Variants in WDPCP observed in about 807,000 individuals in gnomAD.
The protein encoded by WDPCP is WD repeat containing planar cell polarity effector.
Under a neutral mutation model 93.1 loss-of-function variants are expected in WDPCP, and 71 were observed. The ratio of observed to expected loss-of-function variants is 0.76; its 90% CI spans 0.63 to 0.93. WDPCP has a LOEUF of 0.93. Ranked by LOEUF, WDPCP falls within the 40% of genes least tolerant of loss-of-function variation. The probability of loss-of-function intolerance (pLI) is 0.00; values close to 1 mark genes in which losing one functional copy is unlikely to be tolerated. For missense variants in WDPCP, 844 were observed against 887.4 expected (o/e 0.95, Z 0.62); for synonymous variants, 315 against 315.0 (o/e 1.00, Z 0.00).
At chr2:63,230,767 T>C (rs138298983) in intron 14 of WDPCP, among the ~76,000 whole-genome samples, 24,791 of 152,182 alleles carry the variant, frequency 0.16, 2,354 homozygotes, top group Middle Eastern at 0.23. Context: ...ATCCTTTGCC[T>C]ACTTTTTGAT....
At chr2:63,362,096 T>C (rs1323745722) in intron 12 of WDPCP, among the ~76,000 whole-genome samples, 1 of 152,130 alleles carries the variant, frequency 6.6e-6, no homozygotes, top group East Asian at 1.9e-4. Context: ...TTCTAGCTAT[T>C]AATTATTTTG....
At chr2:63,163,869 T>C (rs1183879674) in intron 15 of WDPCP, among the ~76,000 whole-genome samples, 1 of 152,226 alleles carries the variant, frequency 6.6e-6, no homozygotes, top group Admixed American at 6.5e-5. Flanking sequence ...TCAGTATTTT[T>C]GGTTTGTTCC....
At chr2:63,160,674 G>A (rs1240321250) in intron 15 of WDPCP, among the ~76,000 whole-genome samples, 1 of 152,134 alleles carries the variant, frequency 6.6e-6, no homozygotes, top group Non-Finnish European at 1.5e-5. Context: ...CTTTTATTAT[G>A]TATAGAAGTA....
At chr2:63,665,144 G>A (rs1710268065) in intron 2 of WDPCP, among the ~76,000 whole-genome samples, 1 of 152,188 alleles carries the variant, frequency 6.6e-6, no homozygotes, top group Non-Finnish European at 1.5e-5. Context: ...AGTTCAGTAG[G>A]GCTGCTGTAA....
intron 17 of WDPCP, among the ~76,000 whole-genome samples, chr2:63,141,171 T>C (rs977361440): frequency 6.6e-6 from 1 of 151,990 alleles, no homozygotes; most frequent in Non-Finnish European, 1.5e-5. Context: ...CTCCGCCTCC[T>C]GGGTTCAAGC....
chr2:63,522,031 A>AT (rs929181546), intron 1 of WDPCP, among the ~76,000 whole-genome samples: 7 of 151,796 alleles, frequency 4.6e-5, no homozygotes, highest in South Asian at 2.1e-4. Context: ...AGCCAAAGCA[A>AT]TTTTTTTTGG....
At chr2:63,205,669 T>C (rs1676284944) in intron 14 of WDPCP, among the ~76,000 whole-genome samples, 1 of 152,220 alleles carries the variant, frequency 6.6e-6, no homozygotes, top group Non-Finnish European at 1.5e-5. Flanking sequence ...TTTTTGTAGG[T>C]TGATTTTGTA....
intron 6 of WDPCP, among the ~76,000 whole-genome samples, chr2:63,482,315 A>G (rs1700314224): frequency 1.3e-5 from 2 of 151,978 alleles, no homozygotes; most frequent in Non-Finnish European, 2.9e-5. Flanking sequence ...GCGTCCAAAC[A>G]TGTTAGCATG....
intron 3 of WDPCP, among the ~76,000 whole-genome samples, chr2:63,621,679 A>G (rs1017786544): frequency 2.0e-5 from 3 of 152,152 alleles, no homozygotes; most frequent in African/African-American, 7.2e-5. Flanking sequence ...AGAGAACACC[A>G]CTAAGATACT....
At chr2:63,322,685 T>C (rs1440781059) in intron 12 of WDPCP, among the ~76,000 whole-genome samples, 1 of 151,912 alleles carries the variant, frequency 6.6e-6, no homozygotes, top group African/African-American at 2.4e-5. Flanking sequence ...CTTTAAGAAC[T>C]GTAACACTCA....
chr2:63,739,029 A>G (rs768842693), intron 2 of WDPCP, among the ~76,000 whole-genome samples: 1 of 152,120 alleles, frequency 6.6e-6, no homozygotes, highest in Non-Finnish European at 1.5e-5. Flanking sequence ...GTTTATTAAC[A>G]TTGTTTTTTA....
intron 2 of WDPCP, among the ~76,000 whole-genome samples, chr2:63,756,983 C>A (rs1469909078): frequency 6.6e-6 from 1 of 152,098 alleles, no homozygotes; most frequent in Non-Finnish European, 1.5e-5. Context: ...AGGTATGGGA[C>A]CTTACTGGTT....
chr2:63,707,047 G>T (rs1204508743), intron 2 of WDPCP, among the ~76,000 whole-genome samples: 1 of 152,090 alleles, frequency 6.6e-6, no homozygotes, highest in Non-Finnish European at 1.5e-5. Context: ...TTTCTTTCTG[G>T]CTGCCTTTAA....
chr2:63,608,967 C>A (rs1709585186), intron 3 of WDPCP, among the ~76,000 whole-genome samples: 1 of 152,084 alleles, frequency 6.6e-6, no homozygotes, highest in African/African-American at 2.4e-5. Context: ...ATGAATTGTA[C>A]CAGTTGTTAT....
intron 14 of WDPCP, among the ~76,000 whole-genome samples, chr2:63,195,942 G>A (rs1368985265): frequency 6.6e-6 from 1 of 152,156 alleles, no homozygotes; most frequent in African/African-American, 2.4e-5. Flanking sequence ...ATGTACTACT[G>A]TAATAATTGT....
chr2:63,571,006 G>A (rs1443965485), intron 1 of WDPCP, among the ~76,000 whole-genome samples: 1 of 151,948 alleles, frequency 6.6e-6, no homozygotes, highest in African/African-American at 2.4e-5. Context: ...CTTGGTTCAA[G>A]CAATTCTCCT....
intron 1 of WDPCP, among the ~76,000 whole-genome samples, chr2:63,528,378 T>C (rs906090880): frequency 9.2e-5 from 14 of 152,222 alleles, no homozygotes; most frequent in Non-Finnish European, 1.6e-4. Flanking sequence ...TAATCCATCT[T>C]GAATTAATTT....
At chr2:63,318,324 TA>T (rs1412429698) in intron 12 of WDPCP, among the ~76,000 whole-genome samples, 2 of 152,204 alleles carry the variant, frequency 1.3e-5, no homozygotes, top group Non-Finnish European at 2.9e-5. Context: ...ACTGGCAATG[TA>T]AATTAGTTCA....
chr2:63,319,796 G>C (rs1302904807), intron 12 of WDPCP, among the ~76,000 whole-genome samples: 1 of 152,080 alleles, frequency 6.6e-6, no homozygotes, highest in Non-Finnish European at 1.5e-5. Flanking sequence ...TCTTAAATCA[G>C]AGAATACACA....
Sources: gnomAD v4.1 joint callset for allele counts (sites outside exome capture counted in the v4.1 genomes callset) on GRCh38, gnomAD v4.1.1 for gene constraint, MANE v1.5 for transcripts, NCBI Gene and HGNC (gene_info 2026-07-23, HGNC 2026-07-21) for gene names.